The following PCDHGA5 variants were observed in gnomAD, a reference collection of about 807,000 sequenced individuals.
PCDHGA5 encodes the protein protocadherin gamma subfamily A, 5, also known as protocadherin gamma-A5.
Under a neutral mutation model 56.7 loss-of-function variants are expected in PCDHGA5, and 36 were observed. The observed-to-expected ratio is 0.64, with a 90% confidence interval of 0.49 to 0.84. The LOEUF is 0.84. Ranked by LOEUF, PCDHGA5 falls within the 40% of genes least tolerant of loss-of-function variation. The pLI, the probability that PCDHGA5 is intolerant of heterozygous loss-of-function variation, is 0.00. For synonymous variants in PCDHGA5, 563 were observed against 520.2 expected (o/e 1.08, Z -1.12); for missense variants, 1,305 against 1,201.5 (o/e 1.09, Z -1.27).
intron 1 of PCDHGA5, chr5:141,430,640 G>A (rs902915974): frequency 1.1e-6 from 1 of 916,196 alleles, no homozygotes; most frequent in East Asian, 2.7e-5. Flanking sequence ...ATCCCTGGGA[G>A]TATGTGGAAA....
intron 2 of PCDHGA5, among the ~76,000 whole-genome samples, chr5:141,501,290 T>TACACACACACACAC (rs55762287): frequency 7.3e-6 from 1 of 136,164 alleles, no homozygotes; most frequent in Non-Finnish European, 1.6e-5. Context: ...TATTCCCTTA[T>TACACACACACACAC]ACACACACAC....
intron 2 of PCDHGA5, among the ~76,000 whole-genome samples, chr5:141,500,815 A>G (rs2099802742): frequency 6.6e-6 from 1 of 152,196 alleles, no homozygotes; most frequent in African/African-American, 2.4e-5. Context: ...ATGAATATAC[A>G]TATTATTTTT....
chr5:141,385,526 G>C (rs1265906180), intron 1 of PCDHGA5: 1 of 1,352,594 alleles, frequency 7.4e-7, no homozygotes, highest in East Asian at 2.7e-5. Context: ...CTATGGACAA[G>C]ATTATGAATA....
At chr5:141,388,207 C>T (rs1374751231) in intron 1 of PCDHGA5, 1 of 1,578,332 alleles carries the variant, frequency 6.3e-7, no homozygotes, top group Admixed American at 1.7e-5. Flanking sequence ...GAATTTGAGG[C>T]TGTTGCTGAA....
At chr5:141,405,757 C>T (rs754575292) in intron 1 of PCDHGA5, among the ~76,000 whole-genome samples, 13 of 152,264 alleles carry the variant, frequency 8.5e-5, no homozygotes, top group East Asian at 3.9e-4. Context: ...GGATTACAGG[C>T]GTGAGCCACT....
At chr5:141,414,026 C>A in intron 1 of PCDHGA5, 1 of 1,612,468 alleles carries the variant, frequency 6.2e-7, no homozygotes, top group Non-Finnish European at 8.5e-7. Flanking sequence ...GTGACATATT[C>A]ATTCCGAAAA....
Position 141,511,207 on chromosome 5 carries a change from T to A in PCDHGA5, c.*34T>A, listed in dbSNP as rs773761839. ...CCAGGCCAAGAGCCACAGGGCGGCC[T>A]CTCCCCAACCAGCCCAGCTTCTCCT... On this transcript the variant is annotated 3_prime_UTR_variant, in exon 4 of 4. Transcript: ENST00000518069. 1 of 1,611,162 alleles carries A rather than the reference T, an allele frequency of 6.2e-7. No individual in the cohort carries two copies. The highest frequency in any genetic ancestry group is 1.1e-5 in the South Asian group (1 of 90,702).
chr5:141,501,831 C>G (rs1246452764), intron 2 of PCDHGA5, among the ~76,000 whole-genome samples: 1 of 152,176 alleles, frequency 6.6e-6, no homozygotes, highest in African/African-American at 2.4e-5. Context: ...GCCCACCCAC[C>G]TGTTTGGCCC....
At chr5:141,506,306 G>A (rs539365378) in intron 3 of PCDHGA5, among the ~76,000 whole-genome samples, 4 of 152,040 alleles carry the variant, frequency 2.6e-5, no homozygotes, top group Non-Finnish European at 5.9e-5. Flanking sequence ...AAAATTAGCT[G>A]GGCATGGTGG....
intron 2 of PCDHGA5, among the ~76,000 whole-genome samples, chr5:141,500,289 A>G (rs1440166636): frequency 6.6e-6 from 1 of 151,486 alleles, no homozygotes; most frequent in African/African-American, 2.4e-5. Flanking sequence ...GCTCACTGCA[A>G]GCTCCGCCTC....
chr5:141,385,048 C>A, intron 1 of PCDHGA5: 1 of 1,614,150 alleles, frequency 6.2e-7, no homozygotes, highest in Non-Finnish European at 8.5e-7. Flanking sequence ...GCTCAGGCTG[C>A]GGCGCTGGCA....
At chr5:141,460,787 C>T (rs1177595415) in intron 1 of PCDHGA5, among the ~76,000 whole-genome samples, 1 of 151,504 alleles carries the variant, frequency 6.6e-6, no homozygotes, top group Non-Finnish European at 1.5e-5. Context: ...TACATATATA[C>T]ACACAAAGTA....
rs746311453 is a variant in PCDHGA5 at position 141,428,229 on chromosome 5, C to T, written c.2421+61478C>T. On this transcript the variant is annotated intron_variant, in intron 1 of 3. Coordinates refer to ENST00000518069, the MANE Select transcript of PCDHGA5 (RefSeq NM_018918.3). ...CGCTTCACCTAGTCTTCGCAGACAGCCTGCAGGAGGCACTGCCAGACTTCA... is the reference window on the plus strand; with the variant it reads ...CGCTTCACCTAGTCTTCGCAGACAGTCTGCAGGAGGCACTGCCAGACTTCA... 3 of 1,098,554 alleles carry T rather than the reference C, an allele frequency of 2.7e-6. No homozygotes were observed. In the South Asian group the frequency reaches 3.9e-5, roughly 14 times the overall value. The allele number at this position is 1,098,554 out of a possible 1,614,324, so 68.1% of individuals were successfully genotyped here.
intron 1 of PCDHGA5, chr5:141,404,421 C>T (rs199749783): frequency 1.2e-6 from 2 of 1,613,574 alleles, no homozygotes; most frequent in Non-Finnish European, 1.7e-6. Flanking sequence ...GTTATTTACT[C>T]CTTGGCAGAG....
At chr5:141,470,872 TTTTTTGTTTTTG>T (rs900302332) in intron 1 of PCDHGA5, among the ~76,000 whole-genome samples, 1 of 151,814 alleles carries the variant, frequency 6.6e-6, no homozygotes, top group Non-Finnish European at 1.5e-5. Context: ...GTTTGTTTGT[TTTTTTGTTTTTG>T]TTTTTGTTTT....
chr5:141,428,658 T>G (rs932328483), intron 1 of PCDHGA5: 1 of 165,620 alleles, frequency 6.0e-6, no homozygotes, highest in Non-Finnish European at 1.3e-5. Flanking sequence ...TGAGTTCCAA[T>G]GAATGTCTTT....
Position 141,390,351 on chromosome 5 carries a change from C to T in PCDHGA5, c.2421+23600C>T, listed in dbSNP as rs1561631456. 5 of 1,558,898 alleles carry T rather than the reference C, an allele frequency of 3.2e-6. No homozygotes were observed. The Admixed American group carries it at 9.1e-5, about 28-fold the overall frequency. On this transcript the variant is annotated intron_variant, in intron 1 of 3. Transcript: ENST00000518069. ...TTCTCCATATTCACAAGAAAATATA[C>T]ATATTTGCAGGAAAATATATAATTT...
chr5:141,478,109 T>C, intron 1 of PCDHGA5: 1 of 1,614,086 alleles, frequency 6.2e-7, no homozygotes, highest in Non-Finnish European at 8.5e-7. Context: ...CCTCACTGTG[T>C]CAGTAACCGA....
chr5:141,461,864 C>T (rs911351082), intron 1 of PCDHGA5, among the ~76,000 whole-genome samples: 5 of 151,900 alleles, frequency 3.3e-5, no homozygotes, highest in African/African-American at 9.7e-5. Context: ...GCTCTTGTTG[C>T]CCAGGCTGGA....
Sources: gnomAD v4.1 joint callset for allele counts (sites outside exome capture counted in the v4.1 genomes callset) on GRCh38, gnomAD v4.1.1 for gene constraint, MANE v1.5 for transcripts, NCBI Gene and HGNC (gene_info 2026-07-23, HGNC 2026-07-21) for gene names.